FZR1: variants seen among roughly 807,000 people sequenced by gnomAD.
FZR1 encodes the protein fizzy-related protein homolog.
Under a neutral mutation model 63.6 loss-of-function variants are expected in FZR1, and 11 were observed. That is an observed-to-expected ratio of 0.17 (90% CI 0.11 to 0.29). The LOEUF is 0.29. Ranked by LOEUF, FZR1 falls within the 10% of genes least tolerant of loss-of-function variation. The pLI, the probability that FZR1 is intolerant of heterozygous loss-of-function variation, is 1.00. For missense variants in FZR1, 440 were observed against 687.5 expected (o/e 0.64, Z 4.03); for synonymous variants, 328 against 297.9 (o/e 1.10, Z -1.04).
intron 7 of FZR1, among the ~76,000 whole-genome samples, chr19:3,529,777 CGAGAGTGGAT>C (rs1252341035): frequency 3.1e-5 from 1 of 31,868 alleles, no homozygotes; most frequent in Non-Finnish European, 5.9e-5. Flanking sequence ...TGAGCGGATG[CGAGAGTGGAT>C]GAGAGTGGTT....
At chr19:3,534,556 C>A in intron 13 of FZR1, 43 bp downstream of exon 13, 1 of 1,347,328 alleles carries the variant, frequency 7.4e-7, no homozygotes, top group Non-Finnish European at 1.0e-6. Context: ...CCGCCCCAGC[C>A]TGTCCCAGGG....
rs1298840490 is a variant in FZR1, at chr19:3,532,046, A to G, written c.959A>G (p.Lys320Arg). ...QGHRQEVCGL[K>R]WSTDHQLLAS... ...CACCGGCAGGAGGTGTGCGGGCTCAAGTGGTCCACAGACCACCAGCTCCTC... is the reference window on the plus strand; with the variant it reads ...CACCGGCAGGAGGTGTGCGGGCTCAGGTGGTCCACAGACCACCAGCTCCTC... Residue 320 changes from lysine to arginine, a missense_variant, in exon 10 of 14, where the codon AAG becomes AGG. Physicochemically the swap from Lys to Arg is conservative, Grantham distance 26. Around this residue, in one of 5 missense-constraint regions of FZR1, gnomAD observed 208 missense variants for 363.6 expected, o/e 0.57. Transcript: ENST00000441788. 2.0e-6 allele frequency: 3 copies of G among 1,536,958 alleles called. No individual in the cohort carries two copies. In the Admixed American group the frequency reaches 5.9e-5, roughly 30 times the overall value.
rs1180916042 is a variant in FZR1 at position 3,533,211 on chromosome 19, TCAGGCGGGTGC to T, written c.1243-82_1243-72del. On this transcript the variant is annotated intron_variant, in intron 11 of 13. Transcript: ENST00000441788. This position sits in a 1 kb window ranked among gnomAD's most constrained non-coding sequence, Gnocchi z 4.9. ...GGCGGCTCTGAGCTCTCACATGGGC[TCAGGCGGGTGC>T]ATGTGAGGCAGCAGGCATAGCACCC... is the stretch of plus-strand genomic sequence containing the variant. The T allele has an allele frequency of 4.4e-5, 37 of 850,000 alleles. No individual in the cohort carries two copies. Among genetic ancestry groups the T allele is most frequent in the Non-Finnish European group, 6.6e-5 (33 of 501,422 alleles). The allele number at this position is 850,000 out of a possible 1,614,324, so 52.7% of individuals were successfully genotyped here.
rs371818028 is a variant in FZR1, at chr19:3,529,104, G to A, written c.654+1290G>A. On this transcript the variant is annotated intron_variant, in intron 7 of 13. Transcript: ENST00000441788. ...CGGATGGGAGAGCAGACGGTTGAGC[G>A]GATGGGAGAGCGGATGGGAGAGCGG... Among the ~76,000 whole-genome samples the A allele has an allele frequency of 1.3e-4, 11 of 83,146 alleles. No homozygotes were observed. The South Asian group carries it at 2.6e-3, about 20-fold the overall frequency. The allele number at this position is 83,146 out of a possible 152,430, so 54.5% of individuals were successfully genotyped here.
At chr19:3,511,819 C>G (rs752523023) in intron 1 of FZR1, among the ~76,000 whole-genome samples, 1 of 152,246 alleles carries the variant, frequency 6.6e-6, no homozygotes, top group Non-Finnish European at 1.5e-5. Flanking sequence ...TGCCAAGGGT[C>G]TGGGCCCCAC....
chr19:3,510,557 C>T (rs2083017378), intron 1 of FZR1, among the ~76,000 whole-genome samples: 2 of 152,234 alleles, frequency 1.3e-5, no homozygotes, highest in South Asian at 4.1e-4. Context: ...TCTATATTCT[C>T]ATCCCCACCA....
At position 3,526,404 on chromosome 19, in the gene FZR1, C is replaced by A. The variant is rs1416414985; in HGVS notation, c.387+18C>A. On this transcript the variant is annotated intron_variant, in intron 5 of 13. Coordinates refer to ENST00000441788, the MANE Select transcript of FZR1 (RefSeq NM_016263.4). The surrounding 1 kb of genome is among the most constrained non-coding windows in gnomAD (Gnocchi z 5.4). ...TGTTCACGGTAAGCCTGCGGCACCC[C>A]CCACCCGGGAGCTGGCTCCCAGTGC... is the stretch of plus-strand genomic sequence containing the variant. 3.2e-6 allele frequency: 5 copies of A among 1,551,746 alleles called. No individual in the cohort carries two copies. The highest frequency in any genetic ancestry group is 4.8e-5 in the East Asian group (2 of 41,558).
In FZR1 at chr19:3,516,014, T is replaced by G. The variant is rs537760935; in HGVS notation, c.-34-6942T>G. Among the ~76,000 whole-genome samples, 1 of 152,310 alleles carries G rather than the reference T, an allele frequency of 6.6e-6. No homozygotes were observed. The highest frequency in any genetic ancestry group is 1.5e-5 in the Non-Finnish European group (1 of 68,028). On this transcript the variant is annotated intron_variant, in intron 1 of 13. Transcript: ENST00000441788. The surrounding 1 kb of genome is among the most constrained non-coding windows in gnomAD (Gnocchi z 6.0). The stretch of plus-strand genomic sequence containing the variant: ...CACTCTGACTAGCTGCCGCAGTGAC[T>G]CCATCTCTGCACACATGCATGCTGA...
Position 3,537,307 on chromosome 19 carries a change from G to C in FZR1, c.*2471G>C, listed in dbSNP as rs919722942. On this transcript the variant is annotated 3_prime_UTR_variant, in exon 14 of 14. Coordinates refer to ENST00000441788, the MANE Select transcript of FZR1 (RefSeq NM_016263.4). ...GCTGGGGCAGGTGCCTCTGCTGTCA[G>C]CTCCACCCGACAGGCAGACGAAGGC... 6.6e-6 allele frequency: 1 copy of C among 152,306 alleles called. No homozygotes were observed. The allele number at this position is 152,306 out of a possible 1,614,324, so 9.4% of individuals were successfully genotyped here.
chr19:3,507,061 A>G (rs895939095), intron 1 of FZR1, among the ~76,000 whole-genome samples: 59 of 152,110 alleles, frequency 3.9e-4, no homozygotes, highest in African/African-American at 1.4e-3. Context: ...GTCTGTGGTC[A>G]CTGTTGTGTC....
At chr19:3,531,121 A>ACCTGGGACTCGCTCC (rs1334612184) in intron 8 of FZR1, among the ~76,000 whole-genome samples, 4 of 152,086 alleles carry the variant, frequency 2.6e-5, no homozygotes, top group Admixed American at 6.5e-5. Flanking sequence ...GGACCTGCCC[A>ACCTGGGACTCGCTCC]CCTGGGACTC....
intron 1 of FZR1, among the ~76,000 whole-genome samples, chr19:3,520,209 G>A (rs1031183859): frequency 2.0e-5 from 3 of 152,208 alleles, no homozygotes; most frequent in African/African-American, 7.2e-5. Context: ...GGGCCTTTGG[G>A]GCTGCGGGAG....
intron 1 of FZR1, among the ~76,000 whole-genome samples, chr19:3,519,002 G>A (rs1242065897): frequency 6.6e-6 from 1 of 152,242 alleles, no homozygotes; most frequent in East Asian, 1.9e-4. Flanking sequence ...GTCATTGGGA[G>A]GGCTCTGTTC....
intron 6 of FZR1, 26 bp from the exon 7 acceptor site, chr19:3,527,605 C>T (rs754115865): frequency 7.6e-6 from 12 of 1,584,916 alleles, no homozygotes; most frequent in South Asian, 6.7e-5. Flanking sequence ...CCGTGGCTCA[C>T]GGATGCCACG....
At chr19:3,529,166 TTGGGAGAGCGGTTGGGAGAGCGGA>T (rs2083201112) in intron 7 of FZR1, among the ~76,000 whole-genome samples, 1 of 25,552 alleles carries the variant, frequency 3.9e-5, no homozygotes, top group Non-Finnish European at 7.9e-5. Context: ...GGGAGAGCGG[TTGGGAGAGCGGTTGGGAGAGCGGA>T]TGGGAGAGCG....
Position 3,526,425 on chromosome 19 carries a change from A to AGTGCAGCCTCCCC in FZR1, c.387+41_387+53dup. The AGTGCAGCCTCCCC allele has an allele frequency of 6.6e-7, 1 of 1,512,598 alleles. No individual in the cohort carries two copies. Among genetic ancestry groups the AGTGCAGCCTCCCC allele is most frequent in the Non-Finnish European group, 8.9e-7 (1 of 1,120,006 alleles). The allele number at this position is 1,512,598 out of a possible 1,614,324, so 93.7% of individuals were successfully genotyped here. A position where few individuals can be genotyped will look rare whatever the true frequency, so the allele number is the denominator to read the frequency against. On this transcript the variant is annotated intron_variant, in intron 5 of 13. Coordinates refer to ENST00000441788, the MANE Select transcript of FZR1 (RefSeq NM_016263.4). The surrounding 1 kb of genome is among the most constrained non-coding windows in gnomAD (Gnocchi z 5.4). Reference sequence around the variant, plus strand: ...ACCCCCCACCCGGGAGCTGGCTCCCAGTGCAGCCTCCCCGGCCCCCCACCT... The same window carrying AGTGCAGCCTCCCC: ...ACCCCCCACCCGGGAGCTGGCTCCCAGTGCAGCCTCCCCGTGCAGCCTCCCCGGCCCCCCACCT...
At chr19:3,509,345 C>G (rs973130862) in intron 1 of FZR1, among the ~76,000 whole-genome samples, 4 of 152,206 alleles carry the variant, frequency 2.6e-5, no homozygotes, top group African/African-American at 9.6e-5. Flanking sequence ...CGCCACTGAC[C>G]ACGAATGACA....
intron 11 of FZR1, 123 bp downstream of exon 11, chr19:3,532,773 GAGGGAGGCCGAGC>G: frequency 2.8e-6 from 2 of 714,490 alleles, no homozygotes; most frequent in East Asian, 2.7e-5. Flanking sequence ...GGAGATGGGC[GAGGGAGGCCGAGC>G]GGGGAGGCAG....
rs969689626 is a variant in FZR1, at chr19:3,516,988, T to A, written c.-34-5968T>A. On this transcript the variant is annotated intron_variant, in intron 1 of 13. Coordinates refer to ENST00000441788, the MANE Select transcript of FZR1 (RefSeq NM_016263.4). This position sits in a 1 kb window ranked among gnomAD's most constrained non-coding sequence, Gnocchi z 6.0. ...GGGCAGCATCAGTGTTCTGGGGAAG[T>A]GGGGGATGATATTTTAGCCAATCAC... Among the ~76,000 whole-genome samples, 4 of 152,184 alleles carry A rather than the reference T, an allele frequency of 2.6e-5. No homozygotes were observed. The highest frequency in any genetic ancestry group is 9.7e-5 in the African/African-American group (4 of 41,448).
Sources: allele counts gnomAD v4.1 joint callset (sites outside exome capture counted in the v4.1 genomes callset), GRCh38; gene constraint gnomAD v4.1.1; regional missense constraint gnomAD v4.1.1; non-coding constraint Gnocchi (gnomAD v3.1); transcripts MANE v1.5; gene names NCBI Gene and HGNC (gene_info 2026-07-23, HGNC 2026-07-21).